MLH3: variants seen among roughly 807,000 people sequenced by gnomAD.
The protein encoded by MLH3 is DNA mismatch repair protein Mlh3.
Under a neutral mutation model 122.2 loss-of-function variants are expected in MLH3, and 82 were observed. The observed-to-expected ratio is 0.67, with a 90% confidence interval of 0.56 to 0.81. The LOEUF is 0.81. Ranked by LOEUF, MLH3 falls within the 30% of genes least tolerant of loss-of-function variation. The probability of loss-of-function intolerance (pLI) is 0.00; values close to 1 mark genes in which losing one functional copy is unlikely to be tolerated. For synonymous variants in MLH3, 524 were observed against 599.5 expected, an observed-to-expected ratio of 0.87 and a Z score of 1.84; for missense variants, 1,539 against 1,714.5, an observed-to-expected ratio of 0.90 and a Z score of 1.81.
rs116936739 is a variant in MLH3, at chr14:75,038,803, T to C, written c.3571-391A>G. On this transcript the variant is annotated intron_variant, in intron 5 of 12. Transcript: ENST00000355774. ...TTTATATGAAAGCAAGGAAAACGAT[T>C]ATGGAGAAACTAGTCTATTTTTATT... Among the ~76,000 whole-genome samples the C allele has an allele frequency of 8.1e-3, 1,238 of 152,224 alleles. 8 individuals carry two copies. Among genetic ancestry groups the C allele is most frequent in the Non-Finnish European group, 0.012 (830 of 68,016 alleles).
intron 2 of MLH3, among the ~76,000 whole-genome samples, chr14:75,045,496 T>C (rs190067980): frequency 6.6e-6 from 1 of 152,366 alleles, no homozygotes; most frequent in African/African-American, 2.4e-5. Context: ...CAAGTCCTAC[T>C]TTCTAGAAAG....
chr14:75,016,783 T>A lies in MLH3; in HGVS notation c.*299A>T. On this transcript the variant is annotated 3_prime_UTR_variant, in exon 13 of 13. Coordinates refer to ENST00000355774, the MANE Select transcript of MLH3 (RefSeq NM_001040108.2). ...TTCAAATAACAAACCAAGCAACCAA[T>A]CAAACTGTCATTAAATTTTATCATT... 3.0e-6 allele frequency: 1 copy of A among 332,492 alleles called. No homozygotes were observed. The allele number at this position is 332,492 out of a possible 1,614,324, so 20.6% of individuals were successfully genotyped here. A position where few individuals can be genotyped will look rare whatever the true frequency, so the allele number is the denominator to read the frequency against.
chr14:75,046,249 G>T, intron 2 of MLH3, 127 bp downstream of exon 2: 8 of 870,454 alleles, frequency 9.2e-6, no homozygotes, highest in Non-Finnish European at 1.3e-5. Flanking sequence ...TACAACATAT[G>T]TTTTATAAGT....
chr14:75,032,432 G>C (rs1424489311), intron 7 of MLH3, among the ~76,000 whole-genome samples: 1 of 152,178 alleles, frequency 6.6e-6, no homozygotes, highest in Non-Finnish European at 1.5e-5. Context: ...CAATGTTCCT[G>C]TAGTTAATAA....
chr14:75,031,122 T>G (rs901964948), intron 8 of MLH3, among the ~76,000 whole-genome samples: 1 of 152,234 alleles, frequency 6.6e-6, no homozygotes, highest in African/African-American at 2.4e-5. Context: ...TAAATAGATC[T>G]GCCTCTAATA....
intron 7 of MLH3, among the ~76,000 whole-genome samples, chr14:75,032,388 A>G (rs182179584): frequency 1.3e-5 from 2 of 152,374 alleles, no homozygotes; most frequent in East Asian, 1.9e-4. Flanking sequence ...AATAAGAAAT[A>G]TAAGACTTGC....
intron 11 of MLH3, among the ~76,000 whole-genome samples, chr14:75,020,424 T>G (rs1890199331): frequency 6.7e-6 from 1 of 149,782 alleles, no homozygotes; most frequent in Non-Finnish European, 1.5e-5. Flanking sequence ...TGTGAAGAAC[T>G]AAGTAAGAGA....
intron 4 of MLH3, among the ~76,000 whole-genome samples, chr14:75,040,498 A>T (rs1316441446): frequency 2.1e-5 from 3 of 143,704 alleles, no homozygotes; most frequent in African/African-American, 7.5e-5. Context: ...AAAAGAATTT[A>T]TGAATAATGA....
intron 11 of MLH3, 140 bp from the exon 12 acceptor site, chr14:75,019,120 G>C: frequency 3.8e-6 from 3 of 791,196 alleles, no homozygotes; most frequent in Non-Finnish European, 2.1e-6. Flanking sequence ...GCTTGAAATT[G>C]GTGCTTATAG....
chr14:75,045,147 C>A (rs1367083022), intron 2 of MLH3, among the ~76,000 whole-genome samples: 1 of 152,104 alleles, frequency 6.6e-6, no homozygotes, highest in African/African-American at 2.4e-5. Context: ...CTGGCCAACA[C>A]GGTAAAACCC....
intron 9 of MLH3, among the ~76,000 whole-genome samples, chr14:75,028,047 C>T (rs1595045092): frequency 6.8e-6 from 1 of 147,740 alleles, no homozygotes; most frequent in Non-Finnish European, 1.5e-5. Context: ...ATACAGAAAA[C>T]TATAATAGAA....
intron 5 of MLH3, among the ~76,000 whole-genome samples, chr14:75,039,536 C>T (rs1417607087): frequency 6.6e-6 from 1 of 152,028 alleles, no homozygotes; most frequent in East Asian, 1.9e-4. Context: ...CACTGTTGCA[C>T]ACTTAAGGAC....
Position 75,019,019 on chromosome 14 carries a change from T to C in MLH3, c.4091-39A>G, listed in dbSNP as rs773182921. 8.0e-5 allele frequency: 127 copies of C among 1,593,658 alleles called. No homozygotes were observed. Among genetic ancestry groups the C allele is most frequent in the Non-Finnish European group, 9.9e-5 (115 of 1,161,774 alleles). ...AGAAACAAGAAGGTTATAGTGTATA[T>C]AGTGGGAAACCAATGCTGACCTTGG... On this transcript the variant is annotated intron_variant, in intron 11 of 12. Transcript: ENST00000355774.
chr14:75,037,553 T>A (rs1891502863), intron 6 of MLH3, among the ~76,000 whole-genome samples: 1 of 152,220 alleles, frequency 6.6e-6, no homozygotes, highest in Non-Finnish European at 1.5e-5. Context: ...AGATTCTGTG[T>A]AAATATTGAC....
rs1259548904 is a variant in MLH3 at position 75,022,810 on chromosome 14, T to C, written c.4090+4A>G. 1 of 1,613,914 alleles carries C rather than the reference T, an allele frequency of 6.2e-7. No homozygotes were observed. Among genetic ancestry groups the C allele is most frequent in the Non-Finnish European group, 8.5e-7 (1 of 1,179,786 alleles). On this transcript the variant is annotated splice_donor_region_variant and intron_variant, in intron 11 of 12. Coordinates refer to ENST00000355774, the MANE Select transcript of MLH3 (RefSeq NM_001040108.2). ...TTTGATCACTGCTATGTTGAAGGGC[T>C]TACCATGGCAGGCTTGGGATGCCAA...
At position 75,016,876 on chromosome 14, in the gene MLH3, G is replaced by A. The variant is rs1444770226; in HGVS notation, c.*206C>T. 6.8e-6 allele frequency: 4 copies of A among 589,008 alleles called. No homozygotes were observed. Among genetic ancestry groups the A allele is most frequent in the Non-Finnish European group, 1.2e-5 (4 of 325,488 alleles). The allele number at this position is 589,008 out of a possible 1,614,324, so 36.5% of individuals were successfully genotyped here. Reference sequence around the variant, plus strand: ...GCCCATGGATGCAAATGAATGAATTGTCTTTAGGCTTGAATTTCATCTGGC... The same window carrying A: ...GCCCATGGATGCAAATGAATGAATTATCTTTAGGCTTGAATTTCATCTGGC... On this transcript the variant is annotated 3_prime_UTR_variant, in exon 13 of 13. Coordinates refer to ENST00000355774, the MANE Select transcript of MLH3 (RefSeq NM_001040108.2).
chr14:75,048,967 T>C lies in MLH3; in HGVS notation c.689A>G (p.Tyr230Cys). Residue 230 changes from tyrosine to cysteine, a missense_variant, in exon 2 of 13, where the codon TAT becomes TGT. Physicochemically the swap from Tyr to Cys is radical, Grantham distance 194. Transcript: ENST00000355774. ...SQKLREISFK[Y>C]KEFELSGYIS... is the part of the protein sequence containing the mutation. ...ATAGCCACTAAGCTCAAACTCTTTA[T>C]ATTTAAAACTTATTTCTCTTAGCTT... is the stretch of plus-strand genomic sequence containing the variant. The C allele has an allele frequency of 6.2e-7, 1 of 1,613,432 alleles. No homozygotes were observed. Among genetic ancestry groups the C allele is most frequent in the South Asian group, 1.1e-5 (1 of 90,866 alleles).
chr14:75,049,195 T>C lies in MLH3; in HGVS notation c.461A>G (p.Gln154Arg). The C allele has an allele frequency of 1.2e-6, 2 of 1,614,194 alleles. No individual in the cohort carries two copies. The highest frequency in any genetic ancestry group is 1.3e-5 in the African/African-American group (1 of 75,054). Residue 154 changes from glutamine to arginine, a missense_variant, in exon 2 of 13, where the codon CAG becomes CGG. Physicochemically the swap from Gln to Arg is conservative, Grantham distance 43 (BLOSUM62 1). Coordinates refer to ENST00000355774, the MANE Select transcript of MLH3 (RefSeq NM_001040108.2). ...TTVTVYNLFY[Q>R]LPVRRKCMDP... ...CATGCATTTCCTCCTTACAGGAAGC[T>C]GGTAAAATAGGTTATACACTGTTAC... is the stretch of plus-strand genomic sequence containing the variant.
intron 9 of MLH3, among the ~76,000 whole-genome samples, 179 bp from the exon 10 acceptor site, chr14:75,023,197 C>T (rs761569939): frequency 7.9e-5 from 12 of 152,128 alleles, no homozygotes; most frequent in Admixed American, 3.3e-4. Context: ...ATGAAAAAAC[C>T]AAGCAACTGA....
Sources: allele counts gnomAD v4.1 joint callset (sites outside exome capture counted in the v4.1 genomes callset), GRCh38; gene constraint gnomAD v4.1.1; transcripts MANE v1.5; gene names NCBI Gene and HGNC (gene_info 2026-07-23, HGNC 2026-07-21).